ELFN1: variants seen among roughly 807,000 people sequenced by gnomAD.
ELFN1 encodes the protein protein ELFN1.
Under a neutral mutation model 7.6 loss-of-function variants are expected in ELFN1, and 6 were observed. The ratio of observed to expected loss-of-function variants is 0.79; its 90% CI spans 0.43 to 1.56. The LOEUF is 1.56. ELFN1 is among the 40% of genes most tolerant of loss of function. ELFN1 has a pLI of 0.01. For missense variants in ELFN1, 1,169 were observed against 1,232.2 expected (o/e 0.95, Z 0.77); for synonymous variants, 657 against 588.1 (o/e 1.12, Z -1.70).
intron 3 of ELFN1, among the ~76,000 whole-genome samples, chr7:1,711,185 C>T (rs530807992): frequency 1.3e-5 from 2 of 152,360 alleles, no homozygotes; most frequent in South Asian, 4.1e-4. Flanking sequence ...GATACCCTTC[C>T]CCTGGGAATA....
At chr7:1,720,119 G>A (rs1485170068) in intron 3 of ELFN1, among the ~76,000 whole-genome samples, 1 of 152,192 alleles carries the variant, frequency 6.6e-6, no homozygotes, top group Admixed American at 6.5e-5. Flanking sequence ...TGTCCTTTGC[G>A]AGCCTGATGC....
chr7:1,671,076 G>A lies in ELFN1; in HGVS notation c.-549+722G>A, dbSNP rs77392123. On this transcript the variant is annotated intron_variant, in intron 1 of 3. Transcript: ENST00000424383. ...CTCCGTGCCCCAACCTGCCTCTAAA[G>A]ACAAGCGCCCCCATTTCCATCCTTT... Among the ~76,000 whole-genome samples, 14 of 151,886 alleles carry A rather than the reference G, an allele frequency of 9.2e-5. No homozygotes were observed. The East Asian group carries it at 2.8e-3, about 30-fold the overall frequency.
In ELFN1 at chr7:1,745,387, G is replaced by T; in HGVS notation, c.791G>T (p.Arg264Leu). ...GCGGCTGAGGTGGTCGGGCCCCCACGTCCAGCATCCGGGCGCTCACAGCCG... is the reference window on the plus strand; with the variant it reads ...GCGGCTGAGGTGGTCGGGCCCCCACTTCCAGCATCCGGGCGCTCACAGCCG... ...SYAAEVVGPP[R>L]PASGRSQPGR... Residue 264 changes from arginine (R) to leucine (L), a missense_variant, in exon 4 of 4, where the codon CGT becomes CTT. Physicochemically the swap from Arg to Leu is moderately radical, Grantham distance 102. Around this residue, in one of 2 missense-constraint regions of ELFN1, gnomAD observed 914 missense variants for 872.6 expected, o/e 1.05. Coordinates refer to ENST00000424383, the MANE Select transcript of ELFN1 (RefSeq NM_001128636.4). 1 of 1,538,902 alleles carries T rather than the reference G, an allele frequency of 6.5e-7. No homozygotes were observed.
Position 1,740,733 on chromosome 7 carries a change from A to G in ELFN1, c.-293-3571A>G, listed in dbSNP as rs879557623. On this transcript the variant is annotated intron_variant, in intron 3 of 3. Coordinates refer to ENST00000424383, the MANE Select transcript of ELFN1 (RefSeq NM_001128636.4). The surrounding 1 kb of genome is among the most constrained non-coding windows in gnomAD (Gnocchi z 5.0). ...TCCAGCCTCTCCCCCCCGGCCCCTG[A>G]CAGGAGGCTGCACAGGGCTGACTCA... Among the ~76,000 whole-genome samples, 30 of 152,016 alleles carry G rather than the reference A, an allele frequency of 2.0e-4. No individual in the cohort carries two copies. Among genetic ancestry groups the G allele is most frequent in the African/African-American group, 6.5e-4 (27 of 41,390 alleles).
At chr7:1,704,929 G>T (rs930503566) in intron 2 of ELFN1, among the ~76,000 whole-genome samples, 7 of 152,272 alleles carry the variant, frequency 4.6e-5, no homozygotes, top group South Asian at 2.1e-4. Flanking sequence ...GCAGCCGTGC[G>T]TGTCCCCGTC....
At chr7:1,743,471 C>A (rs989217542) in intron 3 of ELFN1, among the ~76,000 whole-genome samples, 12 of 152,172 alleles carry the variant, frequency 7.9e-5, no homozygotes, top group African/African-American at 2.9e-4. Context: ...CCCTATCCAC[C>A]AAGGTGAGGT....
chr7:1,671,872 G>A (rs1778774471), intron 1 of ELFN1, among the ~76,000 whole-genome samples: 1 of 152,210 alleles, frequency 6.6e-6, no homozygotes, highest in African/African-American at 2.4e-5. Flanking sequence ...CCCCTCACCT[G>A]GATTTGAGGG....
chr7:1,668,116 C>T (rs1778700044), upstream of ELFN1, among the ~76,000 whole-genome samples: 1 of 152,228 alleles, frequency 6.6e-6, no homozygotes, highest in African/African-American at 2.4e-5. Flanking sequence ...GCCCCGCGCG[C>T]GTACCCCTAC....
At chr7:1,679,717 T>G (rs1252369704) in intron 1 of ELFN1, among the ~76,000 whole-genome samples, 1 of 152,190 alleles carries the variant, frequency 6.6e-6, no homozygotes, top group Non-Finnish European at 1.5e-5. Context: ...TGGCACAGCC[T>G]GGATGCCATG....
At chr7:1,731,076 A>C (rs1391439876) in intron 3 of ELFN1, among the ~76,000 whole-genome samples, 1 of 152,238 alleles carries the variant, frequency 6.6e-6, no homozygotes, top group Admixed American at 6.5e-5. Context: ...CCAATAAAAC[A>C]ACAAAACCCT....
rs775145554 is a variant in ELFN1 at position 1,735,371 on chromosome 7, A to G, written c.-293-8933A>G. Among the ~76,000 whole-genome samples, 18 of 151,660 alleles carry G rather than the reference A, an allele frequency of 1.2e-4. No individual in the cohort carries two copies. Among genetic ancestry groups the G allele is most frequent in the Non-Finnish European group, 2.5e-4 (17 of 67,892 alleles). ...CCATAGCCCCTTGACCTTCCCCAGCACTCACCGAGTCCTCACACAGTGGGG... is the reference window on the plus strand; with the variant it reads ...CCATAGCCCCTTGACCTTCCCCAGCGCTCACCGAGTCCTCACACAGTGGGG... On this transcript the variant is annotated intron_variant, in intron 3 of 3. Coordinates refer to ENST00000424383, the MANE Select transcript of ELFN1 (RefSeq NM_001128636.4). This position sits in a 1 kb window ranked among gnomAD's most constrained non-coding sequence, Gnocchi z 5.9.
chr7:1,684,565 A>G (rs911674880), intron 1 of ELFN1, among the ~76,000 whole-genome samples: 1 of 152,178 alleles, frequency 6.6e-6, no homozygotes, highest in African/African-American at 2.4e-5. Context: ...CTTTTGAGCT[A>G]GGTAAATACT....
intron 3 of ELFN1, among the ~76,000 whole-genome samples, chr7:1,715,131 A>T (rs1045638158): frequency 8.5e-5 from 13 of 152,182 alleles, no homozygotes; most frequent in African/African-American, 2.9e-4. Context: ...TTCTCAGCCA[A>T]CGGCAGAGAA....
chr7:1,710,509 A>G (rs1006860401), intron 3 of ELFN1, among the ~76,000 whole-genome samples: 74 of 152,320 alleles, frequency 4.9e-4, no homozygotes, highest in African/African-American at 1.8e-3. Flanking sequence ...GAGGGGTTCC[A>G]CGCACAGCAT....
At chr7:1,706,471 C>G (rs1779533272) in intron 2 of ELFN1, among the ~76,000 whole-genome samples, 1 of 150,088 alleles carries the variant, frequency 6.7e-6, no homozygotes. Flanking sequence ...AAACAAAACA[C>G]CCAGCAGTTC....
At chr7:1,672,624 C>T (rs948801461) in intron 1 of ELFN1, among the ~76,000 whole-genome samples, 11 of 152,122 alleles carry the variant, frequency 7.2e-5, no homozygotes, top group Non-Finnish European at 1.5e-4. Context: ...CTATCTGTTT[C>T]CAACACACAC....
intron 2 of ELFN1, among the ~76,000 whole-genome samples, chr7:1,701,698 A>C (rs1234731180): frequency 1.3e-5 from 2 of 152,068 alleles, no homozygotes; most frequent in Non-Finnish European, 2.9e-5. Context: ...GCTACTTGGG[A>C]GGCTGGGGTG....
At chr7:1,708,609 C>T (rs559007267) in intron 2 of ELFN1, among the ~76,000 whole-genome samples, 2 of 152,298 alleles carry the variant, frequency 1.3e-5, no homozygotes, top group African/African-American at 4.8e-5. Context: ...AGGGTCTCTA[C>T]CTAATCAGTC....
At chr7:1,729,382 G>T (rs115167340) in intron 3 of ELFN1, among the ~76,000 whole-genome samples, 1 of 152,192 alleles carries the variant, frequency 6.6e-6, no homozygotes. Context: ...TCAGCAGGGC[G>T]GTTCACCTCT....
Sources: allele counts gnomAD v4.1 joint callset (sites outside exome capture counted in the v4.1 genomes callset), GRCh38; gene constraint gnomAD v4.1.1; regional missense constraint gnomAD v4.1.1; non-coding constraint Gnocchi (gnomAD v3.1); transcripts MANE v1.5; gene names NCBI Gene and HGNC (gene_info 2026-07-23, HGNC 2026-07-21).